The following SBF2 variants were observed in gnomAD, a reference collection of about 807,000 sequenced individuals.
SBF2 encodes myotubularin-related protein 13.
Under a neutral mutation model 225.2 loss-of-function variants are expected in SBF2, and 112 were observed. The observed-to-expected ratio is 0.50, with a 90% CI of 0.43 to 0.58. SBF2 has a LOEUF of 0.58. Among genes scored for constraint, SBF2 ranks in the 20% least tolerant of loss-of-function variants. The pLI is 0.00. For missense variants in SBF2, 1,996 were observed against 2,206.2 expected (o/e 0.90, Z 1.91); for synonymous variants, 763 against 773.3 (o/e 0.99, Z 0.22).
chr11:9,791,523 T>G (rs1852741729), intron 33 of SBF2, among the ~76,000 whole-genome samples: 1 of 151,972 alleles, frequency 6.6e-6, no homozygotes, highest in Non-Finnish European at 1.5e-5. Flanking sequence ...ACCTTTTAAC[T>G]GCAGGGTCCA....
intron 2 of SBF2, among the ~76,000 whole-genome samples, chr11:10,049,900 G>A (rs1950002061): frequency 6.6e-6 from 1 of 152,134 alleles, no homozygotes; most frequent in South Asian, 2.1e-4. Flanking sequence ...CTTCTTTCGT[G>A]AATAAGGTAC....
chr11:10,296,650 G>A (rs1195959837), upstream of SBF2, among the ~76,000 whole-genome samples: 2 of 152,040 alleles, frequency 1.3e-5, no homozygotes, highest in African/African-American at 4.8e-5. Flanking sequence ...GGACATATGG[G>A]TTGTTTCCAC....
chr11:10,196,864 ATAT>A lies in SBF2; in HGVS notation c.56-2880_56-2878del, dbSNP rs1274908702. Among the ~76,000 whole-genome samples the A allele has an allele frequency of 5.0e-4, 31 of 61,954 alleles. 1 individual carries two copies. Among genetic ancestry groups the A allele is most frequent in the African/African-American group, 1.6e-3 (31 of 18,886 alleles). 40.6% of individuals were successfully genotyped at this position (61,954 alleles called of 152,430 possible). The stretch of plus-strand genomic sequence containing the variant: ...TATATATATATATATATATATATAT[ATAT>A]TTTTTTTTTCCTACAAAATGAATAC... On this transcript the variant is annotated intron_variant, in intron 1 of 39. Coordinates refer to ENST00000256190, the MANE Select transcript of SBF2 (RefSeq NM_030962.4).
chr11:10,091,284 A>G (rs1208542413), intron 2 of SBF2, among the ~76,000 whole-genome samples: 1 of 152,216 alleles, frequency 6.6e-6, no homozygotes, highest in Non-Finnish European at 1.5e-5. Flanking sequence ...CAGACATGAT[A>G]CAAACTTTCC....
chr11:9,842,638 A>G lies in SBF2; in HGVS notation c.3243T>C (p.Asp1081=). The change falls in exon 25 of 40, where the codon GAT becomes GAC. Residue 1081 remains aspartate, a synonymous_variant. Coordinates refer to ENST00000256190, the MANE Select transcript of SBF2 (RefSeq NM_030962.4). ...GTTTTCACATACCAGATACATCATC[A>G]TCTTCATTCCATCCAGGACGATTTA... is the stretch of plus-strand genomic sequence containing the variant. ...ERVNRPGWNE[D]DDVSVSDESE... is the part of the protein sequence containing the mutation. The G allele has an allele frequency of 1.2e-6, 2 of 1,614,100 alleles. No individual in the cohort carries two copies. Among genetic ancestry groups the G allele is most frequent in the South Asian group, 2.2e-5 (2 of 91,090 alleles).
chr11:9,985,345 T>C (rs1947153659), intron 13 of SBF2, among the ~76,000 whole-genome samples: 1 of 152,178 alleles, frequency 6.6e-6, no homozygotes, highest in Non-Finnish European at 1.5e-5. Context: ...TTGTTTGAGA[T>C]AGAGTCCTGC....
At chr11:10,095,899 A>G (rs1175535044) in intron 2 of SBF2, among the ~76,000 whole-genome samples, 1 of 152,212 alleles carries the variant, frequency 6.6e-6, no homozygotes, top group Non-Finnish European at 1.5e-5. Flanking sequence ...GAAAAAAAGA[A>G]GTATGCTAAC....
At chr11:10,111,441 T>C (rs1338746272) in intron 2 of SBF2, among the ~76,000 whole-genome samples, 1 of 152,242 alleles carries the variant, frequency 6.6e-6, no homozygotes, top group East Asian at 1.9e-4. Flanking sequence ...TTTCCAATAC[T>C]ATAAAGAACC....
intron 1 of SBF2, among the ~76,000 whole-genome samples, chr11:10,238,991 T>C (rs990446436): frequency 4.6e-5 from 7 of 150,726 alleles, no homozygotes; most frequent in Admixed American, 1.3e-4. Context: ...GATGAGAACA[T>C]GTGAACAAAC....
chr11:10,210,495 G>T lies in SBF2; in HGVS notation c.56-16508C>A, dbSNP rs944416138. Among the ~76,000 whole-genome samples the T allele has an allele frequency of 1.7e-4, 26 of 152,146 alleles. 1 individual carries two copies. Among genetic ancestry groups the T allele is most frequent in the Admixed American group, 1.7e-3 (26 of 15,280 alleles). The stretch of plus-strand genomic sequence containing the variant: ...CATGATTACACCCAATAGCAAGGGA[G>T]TCTCTTAGTCTCTTAGACAATTGCC... On this transcript the variant is annotated intron_variant, in intron 1 of 39. Transcript: ENST00000256190.
At chr11:10,065,821 G>A (rs962659450) in intron 2 of SBF2, among the ~76,000 whole-genome samples, 1 of 152,056 alleles carries the variant, frequency 6.6e-6, no homozygotes, top group Non-Finnish European at 1.5e-5. Flanking sequence ...GACGGTGCAT[G>A]TCTGTAATCC....
intron 2 of SBF2, among the ~76,000 whole-genome samples, chr11:10,173,125 T>C (rs1038777768): frequency 2.9e-4 from 44 of 152,244 alleles, no homozygotes; most frequent in African/African-American, 1.1e-3. Context: ...TTCAATGTTT[T>C]CGAATTTTTA....
rs953467120 is a variant in SBF2 at position 9,839,676 on chromosome 11, G to A, written c.3277C>T (p.Pro1093Ser). The A allele has an allele frequency of 6.2e-7, 1 of 1,613,264 alleles. No homozygotes were observed. The highest frequency in any genetic ancestry group is 8.5e-7 in the Non-Finnish European group (1 of 1,179,658). ...GAGGCCTTCAGGGTGGTACTTGTGG[G>A]GAGCTCACTCTCATCTGAAACTGTG... ...DVSVSDESEL[P>S]TSTTLKASEK... The change falls in exon 26 of 40, where the codon CCC becomes TCC. Residue 1093 changes from proline to serine, a missense_variant. Coordinates refer to ENST00000256190, the MANE Select transcript of SBF2 (RefSeq NM_030962.4).
intron 3 of SBF2, 46 bp from the exon 4 acceptor site, chr11:10,031,216 G>T: frequency 6.3e-7 from 1 of 1,595,110 alleles, no homozygotes. Context: ...GGATTTCCTA[G>T]GTTCATAATT....
At chr11:10,294,240 G>C (rs1964369983), upstream of SBF2, 20 of 453,816 alleles carry the variant, frequency 4.4e-5, 1 homozygote, top group South Asian at 1.6e-3. Context: ...GGCGCCTAGT[G>C]CCCGCTCCTC....
At chr11:9,944,869 G>A (rs1422116795) in intron 16 of SBF2, among the ~76,000 whole-genome samples, 1 of 152,176 alleles carries the variant, frequency 6.6e-6, no homozygotes, top group African/African-American at 2.4e-5. Context: ...ATTTTGGGAG[G>A]CTGATGCAGG....
chr11:9,958,840 ATCT>A, intron 16 of SBF2: 1 of 626,036 alleles, frequency 1.6e-6, no homozygotes, highest in Non-Finnish European at 3.0e-6. Context: ...AGAGGCAATG[ATCT>A]TCAAAGTAAC....
In SBF2 at chr11:9,884,988, C is replaced by T. The variant is rs995636463; in HGVS notation, c.1929+10955G>A. 5.9e-5 allele frequency among the ~76,000 whole-genome samples: 9 copies of T among 152,136 alleles called. No homozygotes were observed. In the South Asian group the frequency reaches 6.2e-4, roughly 11 times the overall value. ...AATTATGGCCTGGCATGGTGGCTCA[C>T]GCCTGTAATCTCAGCACTTTGGGAG... On this transcript the variant is annotated intron_variant, in intron 17 of 39. Coordinates refer to ENST00000256190, the MANE Select transcript of SBF2 (RefSeq NM_030962.4).
At chr11:10,092,513 A>C (rs1297389247) in intron 2 of SBF2, among the ~76,000 whole-genome samples, 1 of 152,236 alleles carries the variant, frequency 6.6e-6, no homozygotes, top group African/African-American at 2.4e-5. Context: ...GATTATCAGA[A>C]AGGAGTATAT....
Sources: allele counts gnomAD v4.1 joint callset (sites outside exome capture counted in the v4.1 genomes callset), GRCh38; gene constraint gnomAD v4.1.1; transcripts MANE v1.5; gene names NCBI Gene and HGNC (gene_info 2026-07-23, HGNC 2026-07-21).